The following RTN1 variants were observed in gnomAD, a reference collection of about 807,000 sequenced individuals.
The protein encoded by RTN1 is reticulon-1.
Under a neutral mutation model 65.5 loss-of-function variants are expected in RTN1, and 25 were observed. The ratio of observed to expected loss-of-function variants is 0.38; its 90% CI spans 0.28 to 0.53. The LOEUF (loss-of-function observed/expected upper bound fraction) is 0.53, where lower values mean the gene tolerates loss of function less well. Among genes scored for constraint, RTN1 ranks in the 20% least tolerant of loss-of-function variants. RTN1 has a pLI of 0.79. For missense variants in RTN1, 983 were observed against 1,025.4 expected (o/e 0.96, Z 0.57); for synonymous variants, 471 against 447.6 (o/e 1.05, Z -0.66).
rs774086177 is a variant in RTN1 at position 59,770,378 on chromosome 14, C to CAAAAAAA, written c.242-23904_242-23898dup. On this transcript the variant is annotated intron_variant, in intron 1 of 8. Coordinates refer to ENST00000267484, the MANE Select transcript of RTN1 (RefSeq NM_021136.3). ...GGGGAACAAGAGTGAAACTCTGCCTCAAAAAAAAAAAAAAAAAAAAAAAAA... is the reference window on the plus strand; with the variant it reads ...GGGGAACAAGAGTGAAACTCTGCCTCAAAAAAAAAAAAAAAAAAAAAAAAAAAAAAAA... 1.9e-4 allele frequency among the ~76,000 whole-genome samples: 10 copies of CAAAAAAA among 53,718 alleles called. 1 individual carries two copies. Among genetic ancestry groups the CAAAAAAA allele is most frequent in the African/African-American group, 4.7e-4 (5 of 10,636 alleles). The allele number at this position is 53,718 out of a possible 152,430, so 35.2% of individuals were successfully genotyped here.
chr14:59,635,006 A>C (rs566494345), intron 3 of RTN1, among the ~76,000 whole-genome samples: 6 of 152,226 alleles, frequency 3.9e-5, no homozygotes, highest in Non-Finnish European at 7.3e-5. Flanking sequence ...CGGGAACTTG[A>C]ATAATTTATC....
chr14:59,844,523 T>C (rs188845258), intron 1 of RTN1, among the ~76,000 whole-genome samples: 166 of 152,276 alleles, frequency 1.1e-3, no homozygotes, highest in Non-Finnish European at 2.2e-3. Context: ...TAATGAGTTG[T>C]CCTAGAGTAG....
chr14:59,707,287 G>T (rs1157973505), intron 3 of RTN1, among the ~76,000 whole-genome samples: 1 of 152,190 alleles, frequency 6.6e-6, no homozygotes, highest in Non-Finnish European at 1.5e-5. Context: ...CACATTTGTT[G>T]CCCTTGTAGC....
intron 1 of RTN1, among the ~76,000 whole-genome samples, chr14:59,806,689 T>C (rs781535107): frequency 6.6e-5 from 10 of 152,318 alleles, no homozygotes; most frequent in Non-Finnish European, 1.3e-4. Context: ...ATCATTTGGC[T>C]CTTACTTATA....
At chr14:59,761,464 C>T (rs1885746921) in intron 1 of RTN1, among the ~76,000 whole-genome samples, 1 of 152,158 alleles carries the variant, frequency 6.6e-6, no homozygotes, top group Non-Finnish European at 1.5e-5. Context: ...TTGCCTTCTG[C>T]TATGATTGTG....
intron 3 of RTN1, among the ~76,000 whole-genome samples, chr14:59,691,527 C>G (rs574962264): frequency 6.6e-6 from 1 of 152,274 alleles, no homozygotes; most frequent in Non-Finnish European, 1.5e-5. Flanking sequence ...GGTACCAATT[C>G]TACTGAAACT....
chr14:59,805,533 A>G (rs1886620618), intron 1 of RTN1, among the ~76,000 whole-genome samples: 1 of 152,202 alleles, frequency 6.6e-6, no homozygotes, highest in African/African-American at 2.4e-5. Context: ...ATATCAAAGA[A>G]TTAAACATTA....
At chr14:59,773,787 A>G (rs918328437) in intron 1 of RTN1, among the ~76,000 whole-genome samples, 3 of 152,084 alleles carry the variant, frequency 2.0e-5, no homozygotes, top group Non-Finnish European at 4.4e-5. Context: ...TCTTTCTTCT[A>G]CCCTGGTTTC....
rs1001731157 is a variant in RTN1 at position 59,794,487 on chromosome 14, T to C, written c.242-48006A>G. Among the ~76,000 whole-genome samples the C allele has an allele frequency of 2.0e-5, 3 of 152,150 alleles. No homozygotes were observed. The highest frequency in any genetic ancestry group is 4.4e-5 in the Non-Finnish European group (3 of 68,034). On this transcript the variant is annotated intron_variant, in intron 1 of 8. Coordinates refer to ENST00000267484, the MANE Select transcript of RTN1 (RefSeq NM_021136.3). This position sits in a 1 kb window ranked among gnomAD's most constrained non-coding sequence, Gnocchi z 5.1. ...TTTGTTTTGACCATTCTGAATTGAGTTTCTGTTAGTTGCAACACAAAGACA... is the reference window on the plus strand; with the variant it reads ...TTTGTTTTGACCATTCTGAATTGAGCTTCTGTTAGTTGCAACACAAAGACA...
chr14:59,650,465 T>A (rs1470581372), intron 3 of RTN1, among the ~76,000 whole-genome samples: 2 of 152,210 alleles, frequency 1.3e-5, no homozygotes, highest in Non-Finnish European at 2.9e-5. Flanking sequence ...GAAGTCAAAC[T>A]ATTTTTTGTT....
intron 1 of RTN1, among the ~76,000 whole-genome samples, chr14:59,758,614 A>G (rs377329966): frequency 1.3e-5 from 2 of 151,890 alleles, no homozygotes; most frequent in East Asian, 1.9e-4. Flanking sequence ...CCACTCCTCA[A>G]TGTTTTCTCC....
At chr14:59,645,398 T>G (rs932848268) in intron 3 of RTN1, among the ~76,000 whole-genome samples, 21 of 147,644 alleles carry the variant, frequency 1.4e-4, no homozygotes, top group African/African-American at 5.2e-4. Flanking sequence ...TTTCTATATA[T>G]TACATGTTTT....
chr14:59,605,614 G>A, intron 4 of RTN1, 108 bp from the exon 5 acceptor site: 2 of 1,202,624 alleles, frequency 1.7e-6, no homozygotes, highest in South Asian at 2.8e-5. Flanking sequence ...GAGGGTGAGA[G>A]CAGGAGTCAT....
chr14:59,620,674 A>C (rs1176679424), intron 3 of RTN1, among the ~76,000 whole-genome samples: 1 of 152,234 alleles, frequency 6.6e-6, no homozygotes, highest in African/African-American at 2.4e-5. Flanking sequence ...AGAAACATAC[A>C]ATAAGGCTTC....
intron 3 of RTN1, among the ~76,000 whole-genome samples, chr14:59,626,760 C>A (rs935783312): frequency 2.6e-5 from 4 of 152,096 alleles, no homozygotes; most frequent in African/African-American, 9.7e-5. Context: ...AAAAGTCTCA[C>A]GGAGGCTTAA....
intron 3 of RTN1, among the ~76,000 whole-genome samples, chr14:59,663,271 T>C (rs1377012696): frequency 6.6e-6 from 1 of 152,120 alleles, no homozygotes; most frequent in Non-Finnish European, 1.5e-5. Context: ...TAACTCGAGA[T>C]GGATTAAAGA....
At chr14:59,777,174 G>A (rs557975975) in intron 1 of RTN1, among the ~76,000 whole-genome samples, 5 of 152,208 alleles carry the variant, frequency 3.3e-5, no homozygotes, top group South Asian at 2.1e-4. Context: ...TCTTTGGTCC[G>A]ATACCGTGTT....
At chr14:59,692,278 AC>A (rs1432312713) in intron 3 of RTN1, among the ~76,000 whole-genome samples, 3 of 152,220 alleles carry the variant, frequency 2.0e-5, no homozygotes, top group Admixed American at 6.5e-5. Flanking sequence ...GCATTTCTAT[AC>A]ATCAATAACA....
chr14:59,709,503 T>C, intron 3 of RTN1, among the ~76,000 whole-genome samples: 1 of 152,366 alleles, frequency 6.6e-6, no homozygotes, highest in South Asian at 2.1e-4. Flanking sequence ...TATGGATTTC[T>C]AGAGTGAGCG....
Sources: gnomAD v4.1 joint callset for allele counts (sites outside exome capture counted in the v4.1 genomes callset) on GRCh38, gnomAD v4.1.1 for gene constraint, Gnocchi (gnomAD v3.1) non-coding constraint, MANE v1.5 for transcripts, NCBI Gene and HGNC (gene_info 2026-07-23, HGNC 2026-07-21) for gene names.